Variants in TMCO4 observed in about 807,000 individuals in gnomAD.
The protein encoded by TMCO4 is transmembrane and coiled-coil domain-containing protein 4.
A neutral mutation model predicts 64.7 loss-of-function variants in TMCO4; 58 were observed. The ratio of observed to expected loss-of-function variants is 0.90; its 90% CI spans 0.73 to 1.12. The LOEUF is 1.12. TMCO4 is among the 50% of genes most tolerant of loss of function. TMCO4 has a pLI of 0.00. For missense variants in TMCO4, 780 were observed against 825.9 expected (o/e 0.94, Z 0.68); for synonymous variants, 325 against 346.1 (o/e 0.94, Z 0.68).
intron 2 of TMCO4, among the ~76,000 whole-genome samples, chr1:19,794,174 T>C (rs538204774): frequency 2.6e-5 from 4 of 151,994 alleles, no homozygotes; most frequent in African/African-American, 9.7e-5. Flanking sequence ...GGAATGCTTA[T>C]CCCCCAGATA....
intron 14 of TMCO4, among the ~76,000 whole-genome samples, chr1:19,695,321 C>T (rs966764271): frequency 6.6e-6 from 1 of 152,208 alleles, no homozygotes; most frequent in African/African-American, 2.4e-5. Flanking sequence ...GTCTGAGGGG[C>T]CCCTTGAAGC....
chr1:19,733,056 G>A (rs2095436885), intron 13 of TMCO4, among the ~76,000 whole-genome samples: 3 of 151,938 alleles, frequency 2.0e-5, no homozygotes, highest in South Asian at 4.2e-4. Flanking sequence ...ACTTGAGGTC[G>A]GGAGTTTGGG....
At chr1:19,714,047 G>A (rs2095344254) in intron 13 of TMCO4, among the ~76,000 whole-genome samples, 2 of 152,034 alleles carry the variant, frequency 1.3e-5, no homozygotes, top group Admixed American at 1.3e-4. Context: ...AGTGACTCTT[G>A]TGCCTCAGCC....
At position 19,740,948 on chromosome 1, in the gene TMCO4, A is replaced by G; in HGVS notation, c.878-7T>C. 6.3e-7 allele frequency: 1 copy of G among 1,592,900 alleles called. No individual in the cohort carries two copies. Among genetic ancestry groups the G allele is most frequent in the South Asian group, 1.1e-5 (1 of 88,392 alleles). On this transcript the variant is annotated splice_polypyrimidine_tract_variant and splice_region_variant and intron_variant, in intron 10 of 15. Transcript: ENST00000294543. The stretch of plus-strand genomic sequence containing the variant: ...CACGGGGCACTGAAGGTGCCTGGGG[A>G]GATCACAGGTAGGTGAAGTCTCTCT...
At chr1:19,692,330 G>C (rs759149076) in intron 15 of TMCO4, among the ~76,000 whole-genome samples, 1 of 152,118 alleles carries the variant, frequency 6.6e-6, no homozygotes, top group African/African-American at 2.4e-5. Context: ...ATTGGCTTCA[G>C]ACCTGGGTTT....
At chr1:19,741,734 C>CT in intron 10 of TMCO4, among the ~76,000 whole-genome samples, 1 of 133,556 alleles carries the variant, frequency 7.5e-6, no homozygotes, top group African/African-American at 3.1e-5. Flanking sequence ...TCTTTTCTTT[C>CT]TTTCTTTCTT....
rs376400541 is a variant in TMCO4, at chr1:19,683,331, C to T, written c.1614G>A (p.Leu538=). ...EKGLLLAPGC[L]PSEEPRQAAA... The stretch of plus-strand genomic sequence containing the variant: ...CTGCCTGGCGAGGCTCCTCGGAGGG[C>T]AGGCAGCCTGGGGCCAGCAAGAGCC... Residue 538 remains leucine (L), a synonymous_variant, in exon 16 of 16, where the codon CTG becomes CTA. Coordinates refer to ENST00000294543, the MANE Select transcript of TMCO4 (RefSeq NM_181719.7). 1.5e-5 allele frequency: 24 copies of T among 1,613,806 alleles called. No homozygotes were observed. Among genetic ancestry groups the T allele is most frequent in the Admixed American group, 1.3e-4 (8 of 59,994 alleles).
At chr1:19,774,898 G>T (rs1342161755) in intron 4 of TMCO4, among the ~76,000 whole-genome samples, 1 of 152,036 alleles carries the variant, frequency 6.6e-6, no homozygotes, top group African/African-American at 2.4e-5. Flanking sequence ...TACATCTCTG[G>T]GACCCCAGAG....
At chr1:19,701,521 C>A (rs1349978734) in intron 13 of TMCO4, among the ~76,000 whole-genome samples, 1 of 152,174 alleles carries the variant, frequency 6.6e-6, no homozygotes, top group Non-Finnish European at 1.5e-5. Flanking sequence ...TCTGCAAGAT[C>A]ACATGGCTAA....
chr1:19,770,775 G>C (rs543902620), intron 5 of TMCO4, among the ~76,000 whole-genome samples: 1 of 152,246 alleles, frequency 6.6e-6, no homozygotes, highest in South Asian at 2.1e-4. Context: ...GAGGGGAAGG[G>C]GCTATTTTAA....
chr1:19,758,389 C>T (rs537377151), intron 6 of TMCO4, among the ~76,000 whole-genome samples: 28 of 151,824 alleles, frequency 1.8e-4, no homozygotes, highest in Admixed American at 5.9e-4. Context: ...ACGTGATAAT[C>T]GGGTTGTAGA....
rs1435309128 is a variant in TMCO4, at chr1:19,727,067, C to T, written c.1264+10305G>A. Among the ~76,000 whole-genome samples, 6 of 152,214 alleles carry T rather than the reference C, an allele frequency of 3.9e-5. No individual in the cohort carries two copies. In the South Asian group the frequency reaches 1.0e-3, roughly 26 times the overall value. On this transcript the variant is annotated intron_variant, in intron 13 of 15. Coordinates refer to ENST00000294543, the MANE Select transcript of TMCO4 (RefSeq NM_181719.7). ...ATGGTAGAGCTGGTGGGTTCAGCCC[C>T]GGATGGGTTTCTGCAAACCCAAACT...
chr1:19,685,710 C>CTTTTTTTTTTTTTTT (rs55783904), intron 15 of TMCO4, among the ~76,000 whole-genome samples: 13 of 106,616 alleles, frequency 1.2e-4, no homozygotes, highest in Admixed American at 2.4e-4. Flanking sequence ...AGGCCTGTTT[C>CTTTTTTTTTTTTTTT]TTTTTTTTTT....
chr1:19,735,268 T>C (rs1197052306), intron 13 of TMCO4, among the ~76,000 whole-genome samples: 1 of 152,080 alleles, frequency 6.6e-6, no homozygotes, highest in African/African-American at 2.4e-5. Context: ...CGTTATGTCA[T>C]CCCCCCATGA....
intron 14 of TMCO4, among the ~76,000 whole-genome samples, chr1:19,698,778 T>C (rs929698804): frequency 6.6e-6 from 1 of 152,232 alleles, no homozygotes; most frequent in East Asian, 1.9e-4. Flanking sequence ...CACAAAATAA[T>C]TGAAAACCAA....
intron 2 of TMCO4, among the ~76,000 whole-genome samples, chr1:19,797,010 C>T (rs1166146871): frequency 6.6e-6 from 1 of 152,228 alleles, no homozygotes; most frequent in Admixed American, 6.5e-5. Flanking sequence ...TAGGACAGCA[C>T]CTGGCAGAGC....
intron 13 of TMCO4, among the ~76,000 whole-genome samples, chr1:19,730,319 C>T (rs1035534869): frequency 6.6e-6 from 1 of 152,212 alleles, no homozygotes. Context: ...AACCAGAGTT[C>T]CCCTGGGTAC....
intron 13 of TMCO4, among the ~76,000 whole-genome samples, chr1:19,718,894 C>T (rs1180006376): frequency 1.3e-5 from 2 of 152,136 alleles, no homozygotes; most frequent in Non-Finnish European, 2.9e-5. Flanking sequence ...CTTCCCATTG[C>T]TCCCTGAGCC....
At chr1:19,754,831 T>A (rs1293745374) in intron 7 of TMCO4, among the ~76,000 whole-genome samples, 1 of 152,184 alleles carries the variant, frequency 6.6e-6, no homozygotes, top group Non-Finnish European at 1.5e-5. Flanking sequence ...GCACTTGCTG[T>A]GTGCCAGCCC....
Sources: allele counts gnomAD v4.1 joint callset (sites outside exome capture counted in the v4.1 genomes callset), GRCh38; gene constraint gnomAD v4.1.1; transcripts MANE v1.5; gene names NCBI Gene and HGNC (gene_info 2026-07-23, HGNC 2026-07-21).